The following LNP1 variants were observed in gnomAD, a reference collection of about 807,000 sequenced individuals.
LNP1 encodes leukemia NUP98 fusion partner 1.
Under a neutral mutation model 14.5 loss-of-function variants are expected in LNP1, and 12 were observed. The ratio of observed to expected loss-of-function variants is 0.83; its 90% CI spans 0.53 to 1.34. The LOEUF (loss-of-function observed/expected upper bound fraction) is 1.34. LNP1 is among the 40% of genes most tolerant of loss of function. The pLI is 0.00. For synonymous variants in LNP1, 75 were observed against 71.4 expected, an observed-to-expected ratio of 1.05 and a Z score of -0.26; for missense variants, 198 against 210.9, an observed-to-expected ratio of 0.94 and a Z score of 0.38.
At chr3:100,407,077 C>T (rs1216615907) in intron 1 of LNP1, among the ~76,000 whole-genome samples, 1 of 152,138 alleles carries the variant, frequency 6.6e-6, no homozygotes, top group Admixed American at 6.5e-5. Context: ...TCTTTTAGCC[C>T]TACTAAAGAT....
chr3:100,410,095 T>TA (rs1210986806), intron 1 of LNP1, among the ~76,000 whole-genome samples: 1 of 151,974 alleles, frequency 6.6e-6, no homozygotes, highest in African/African-American at 2.4e-5. Context: ...AACAGAAAAA[T>TA]ACCTAAACAA....
chr3:100,411,883 C>T (rs906413231), intron 1 of LNP1, among the ~76,000 whole-genome samples: 1 of 151,928 alleles, frequency 6.6e-6, no homozygotes, highest in Admixed American at 6.6e-5. Context: ...TGGGGGAACA[C>T]GGGGGACAAA....
intron 1 of LNP1, among the ~76,000 whole-genome samples, chr3:100,428,111 C>T (rs571014472): frequency 7.2e-5 from 11 of 152,284 alleles, no homozygotes; most frequent in Admixed American, 5.9e-4. Flanking sequence ...TTCTATTCCC[C>T]GCTTCAAACT....
At position 100,441,631 on chromosome 3, in the gene LNP1, A is replaced by AAT. The variant is rs59950841; in HGVS notation, c.157-10069_157-10068dup. ...TTGCTTTTGATACGCATTAGCTTTA[A>AAT]ATATATATATATATATATATGTAAA... is the stretch of plus-strand genomic sequence containing the variant. On this transcript the variant is annotated intron_variant, in intron 2 of 3. Transcript: ENST00000383693. 7.4e-3 allele frequency among the ~76,000 whole-genome samples: 1,090 copies of AAT among 148,198 alleles called. 7 individuals carry two copies. Among genetic ancestry groups the AAT allele is most frequent in the African/African-American group, 0.014 (549 of 40,592 alleles).
At chr3:100,413,927 T>G (rs1218070602) in intron 1 of LNP1, among the ~76,000 whole-genome samples, 4 of 152,196 alleles carry the variant, frequency 2.6e-5, no homozygotes, top group Non-Finnish European at 5.9e-5. Flanking sequence ...TAGTCTGTGC[T>G]TTTCCATCTT....
intron 1 of LNP1, among the ~76,000 whole-genome samples, chr3:100,420,502 A>G (rs964526007): frequency 1.3e-5 from 2 of 151,700 alleles, no homozygotes; most frequent in African/African-American, 2.4e-5. Flanking sequence ...AATTTTATAG[A>G]GACAGGGTCT....
At chr3:100,405,809 C>T (rs1473832372) in intron 1 of LNP1, among the ~76,000 whole-genome samples, 1 of 152,058 alleles carries the variant, frequency 6.6e-6, no homozygotes, top group Non-Finnish European at 1.5e-5. Flanking sequence ...TATGTGTCAC[C>T]CTGCACCTTG....
At chr3:100,411,843 T>C (rs1355345930) in intron 1 of LNP1, among the ~76,000 whole-genome samples, 1 of 152,026 alleles carries the variant, frequency 6.6e-6, no homozygotes, top group Non-Finnish European at 1.5e-5. Flanking sequence ...TACCATCGCA[T>C]TGGGGGTTAG....
intron 2 of LNP1, among the ~76,000 whole-genome samples, chr3:100,434,748 T>C (rs1050430383): frequency 6.6e-6 from 1 of 151,844 alleles, no homozygotes; most frequent in African/African-American, 2.4e-5. Context: ...TGGCTGGTCT[T>C]GAACTCCTGA....
chr3:100,404,680 C>T (rs1228144365), intron 1 of LNP1, among the ~76,000 whole-genome samples: 2 of 152,062 alleles, frequency 1.3e-5, no homozygotes, highest in East Asian at 3.9e-4. Context: ...CCCTTTTTAC[C>T]TCTAGCCCTA....
intron 2 of LNP1, among the ~76,000 whole-genome samples, chr3:100,440,236 C>T (rs1707333288): frequency 6.6e-6 from 1 of 152,148 alleles, no homozygotes; most frequent in Admixed American, 6.5e-5. Context: ...TCTTTAAAGC[C>T]CTATAGCTAA....
chr3:100,437,386 T>C (rs1707302748), intron 2 of LNP1, among the ~76,000 whole-genome samples: 1 of 152,158 alleles, frequency 6.6e-6, no homozygotes, highest in Non-Finnish European at 1.5e-5. Flanking sequence ...ACTATATAAC[T>C]TACGATATGG....
intron 2 of LNP1, among the ~76,000 whole-genome samples, chr3:100,447,238 G>A (rs1208822022): frequency 2.0e-5 from 3 of 152,158 alleles, no homozygotes; most frequent in Admixed American, 6.5e-5. Context: ...AGAAAATGTG[G>A]CACATATACA....
intron 2 of LNP1, among the ~76,000 whole-genome samples, chr3:100,449,721 TAC>T (rs2148908158): frequency 6.6e-6 from 1 of 152,180 alleles, no homozygotes; most frequent in East Asian, 1.9e-4. Flanking sequence ...ATAACACATA[TAC>T]ACACACATCT....
chr3:100,441,085 C>T lies in LNP1; in HGVS notation c.157-10634C>T, dbSNP rs770202732. ...GGAAAGATAGAAAAGGAAGACTAGT[C>T]TAGAACCTTGGGGAGCCCCAACAGC... On this transcript the variant is annotated intron_variant, in intron 2 of 3. Coordinates refer to ENST00000383693, the MANE Select transcript of LNP1 (RefSeq NM_001085451.2). Among the ~76,000 whole-genome samples the T allele has an allele frequency of 1.6e-4, 25 of 152,142 alleles. 1 individual carries two copies. Among genetic ancestry groups the T allele is most frequent in the Non-Finnish European group, 3.4e-4 (23 of 68,032 alleles).
At chr3:100,403,729 A>G (rs1706936669) in intron 1 of LNP1, among the ~76,000 whole-genome samples, 2 of 152,206 alleles carry the variant, frequency 1.3e-5, no homozygotes, top group South Asian at 2.1e-4. Context: ...ATAAGCCACC[A>G]TGCCCAGCTG....
intron 3 of LNP1, among the ~76,000 whole-genome samples, chr3:100,453,802 A>C (rs1707483646): frequency 6.6e-6 from 1 of 152,122 alleles, no homozygotes; most frequent in Admixed American, 6.5e-5. Flanking sequence ...CTCTGACATA[A>C]ACACAATACA....
intron 1 of LNP1, among the ~76,000 whole-genome samples, chr3:100,408,869 G>A (rs534047006): frequency 6.6e-6 from 1 of 152,274 alleles, no homozygotes; most frequent in Admixed American, 6.5e-5. Flanking sequence ...CTACTTAAAT[G>A]TGTCTTTTCT....
intron 1 of LNP1, among the ~76,000 whole-genome samples, chr3:100,428,890 A>T (rs1576231024): frequency 6.6e-6 from 1 of 152,248 alleles, no homozygotes; most frequent in East Asian, 1.9e-4. Context: ...CATTGAAAGT[A>T]AGTTCAAAAA....
Sources: gnomAD v4.1 joint callset for allele counts (sites outside exome capture counted in the v4.1 genomes callset) on GRCh38, gnomAD v4.1.1 for gene constraint, MANE v1.5 for transcripts, NCBI Gene and HGNC (gene_info 2026-07-23, HGNC 2026-07-21) for gene names.